SYN3: variants seen among roughly 807,000 people sequenced by gnomAD.
SYN3 encodes the protein synapsin III.
Under a neutral mutation model 65.8 loss-of-function variants are expected in SYN3, and 35 were observed. The ratio of observed to expected loss-of-function variants is 0.53; its 90% CI spans 0.41 to 0.70. The LOEUF (loss-of-function observed/expected upper bound fraction) is 0.70, where lower values mean the gene tolerates loss of function less well. Among genes scored for constraint, SYN3 ranks in the 30% least tolerant of loss-of-function variants. SYN3 has a pLI of 0.00. For synonymous variants in SYN3, 270 were observed against 292.9 expected, an observed-to-expected ratio of 0.92 and a Z score of 0.80; for missense variants, 680 against 749.0, an observed-to-expected ratio of 0.91 and a Z score of 1.08.
intron 7 of SYN3, among the ~76,000 whole-genome samples, chr22:32,582,049 C>T (rs1601688029): frequency 6.6e-6 from 1 of 152,048 alleles, no homozygotes; most frequent in African/African-American, 2.4e-5. Flanking sequence ...CCACCCATCT[C>T]GGCCTCCCAA....
chr22:32,753,593 C>T (rs763058279), intron 6 of SYN3, among the ~76,000 whole-genome samples: 18 of 152,228 alleles, frequency 1.2e-4, no homozygotes, highest in Non-Finnish European at 1.8e-4. Flanking sequence ...TTCTGGCTTC[C>T]GAGGTTTCCA....
At chr22:32,879,464 T>A (rs1237013133) in intron 4 of SYN3, among the ~76,000 whole-genome samples, 1 of 151,946 alleles carries the variant, frequency 6.6e-6, no homozygotes, top group African/African-American at 2.4e-5. Context: ...GCTGGGGAGG[T>A]GGGGGACCTG....
chr22:32,878,750 A>C (rs4821107), intron 4 of SYN3, among the ~76,000 whole-genome samples: 53,589 of 152,048 alleles, frequency 0.35, 9,861 homozygotes, highest in African/African-American at 0.43. Flanking sequence ...AATAGTATGA[A>C]GTATATTTCA....
At chr22:32,902,101 G>A (rs1301502969) in intron 4 of SYN3, among the ~76,000 whole-genome samples, 1 of 152,174 alleles carries the variant, frequency 6.6e-6, no homozygotes, top group Non-Finnish European at 1.5e-5. Context: ...TCCTCACCAT[G>A]GAAAGGAAGT....
chr22:32,672,655 G>A (rs2060386956), intron 6 of SYN3, among the ~76,000 whole-genome samples: 1 of 152,218 alleles, frequency 6.6e-6, no homozygotes, highest in Admixed American at 6.5e-5. Context: ...AAGCCACGCT[G>A]TCTTGAGCTG....
chr22:32,597,179 G>T (rs2059212167), intron 6 of SYN3, among the ~76,000 whole-genome samples: 1 of 146,508 alleles, frequency 6.8e-6, no homozygotes, highest in South Asian at 2.2e-4. Flanking sequence ...ATTATTCCTG[G>T]CATACTCCTG....
chr22:32,889,823 A>G (rs997630052), intron 4 of SYN3, among the ~76,000 whole-genome samples: 1 of 151,710 alleles, frequency 6.6e-6, no homozygotes, highest in African/African-American at 2.4e-5. Flanking sequence ...ATCTTTTTGG[A>G]TTTTCCTAAC....
intron 1 of SYN3, among the ~76,000 whole-genome samples, chr22:33,047,085 T>G (rs1456580033): frequency 6.6e-6 from 1 of 152,182 alleles, no homozygotes; most frequent in African/African-American, 2.4e-5. Flanking sequence ...ACAGGTCTTC[T>G]TTAACTGACT....
chr22:32,814,579 G>C (rs2047038429), intron 6 of SYN3, among the ~76,000 whole-genome samples: 1 of 152,178 alleles, frequency 6.6e-6, no homozygotes, highest in South Asian at 2.1e-4. Flanking sequence ...AACATCATGG[G>C]GTGCTTTGGC....
At chr22:32,785,505 G>A (rs2046170977) in intron 6 of SYN3, among the ~76,000 whole-genome samples, 2 of 152,196 alleles carry the variant, frequency 1.3e-5, no homozygotes, top group African/African-American at 4.8e-5. Flanking sequence ...CAGCAAGTGG[G>A]AGAGAAGCAC....
intron 3 of SYN3, among the ~76,000 whole-genome samples, chr22:32,960,352 C>T (rs1032033722): frequency 6.6e-6 from 1 of 152,166 alleles, no homozygotes; most frequent in African/African-American, 2.4e-5. Flanking sequence ...TCTCCAAGGC[C>T]GGTTGAAATA....
intron 6 of SYN3, among the ~76,000 whole-genome samples, chr22:32,712,362 T>C (rs560240634): frequency 4.4e-4 from 67 of 152,354 alleles, no homozygotes; most frequent in African/African-American, 1.5e-3. Flanking sequence ...TTTTCATTGT[T>C]TGCCTCCCCC....
At chr22:32,529,636 G>A (rs1055465977) in intron 10 of SYN3, among the ~76,000 whole-genome samples, 5 of 152,154 alleles carry the variant, frequency 3.3e-5, no homozygotes, top group African/African-American at 1.2e-4. Context: ...TAGAGCAACT[G>A]AGGCCCAGAG....
intron 7 of SYN3, among the ~76,000 whole-genome samples, chr22:32,562,487 C>T (rs1464384715): frequency 6.6e-6 from 1 of 152,222 alleles, no homozygotes; most frequent in Non-Finnish European, 1.5e-5. Context: ...AATGATTGCC[C>T]CACAGTGACC....
chr22:32,805,179 A>C (rs748106074), intron 6 of SYN3, among the ~76,000 whole-genome samples: 1 of 151,984 alleles, frequency 6.6e-6, no homozygotes, highest in African/African-American at 2.4e-5. Context: ...GGGCTGTAGG[A>C]TGAAGTGTGT....
intron 6 of SYN3, among the ~76,000 whole-genome samples, chr22:32,641,053 T>A (rs1333258371): frequency 5.3e-5 from 8 of 152,054 alleles, no homozygotes; most frequent in Admixed American, 2.6e-4. Context: ...AAAACGGGGG[T>A]GACCAAACCA....
intron 6 of SYN3, among the ~76,000 whole-genome samples, chr22:32,727,144 T>A (rs964219738): frequency 6.6e-6 from 1 of 152,098 alleles, no homozygotes; most frequent in Non-Finnish European, 1.5e-5. Context: ...TCCTCCCACC[T>A]CCACCCTCCT....
intron 12 of SYN3, chr22:32,518,584 G>T: frequency 1.6e-6 from 1 of 640,142 alleles, no homozygotes; most frequent in Non-Finnish European, 2.9e-6. Flanking sequence ...GGATACTGTT[G>T]ATAACATATG....
chr22:32,556,801 C>T (rs62232693), intron 7 of SYN3, among the ~76,000 whole-genome samples: 37,877 of 49,414 alleles, frequency 0.77, 13,466 homozygotes, highest in African/African-American at 0.81. Context: ...TATAGGTTTC[C>T]TGGTTTTTTT....
Sources: gnomAD v4.1 joint callset for allele counts (sites outside exome capture counted in the v4.1 genomes callset) on GRCh38, gnomAD v4.1.1 for gene constraint, MANE v1.5 for transcripts, NCBI Gene and HGNC (gene_info 2026-07-23, HGNC 2026-07-21) for gene names.